The following LARP1B variants were observed in gnomAD, a reference collection of about 807,000 sequenced individuals.
The protein encoded by LARP1B is la-related protein 1B.
LARP1B carries 76 observed loss-of-function variants against 114.2 expected under a neutral mutation model. The observed-to-expected ratio is 0.67, with a 90% CI of 0.55 to 0.81. LARP1B has a LOEUF of 0.81. LARP1B is among the 30% of genes least tolerant of loss of function. The pLI is 0.00. For missense variants in LARP1B, 1,014 were observed against 1,075.8 expected (o/e 0.94, Z 0.80); for synonymous variants, 345 against 348.0 (o/e 0.99, Z 0.10).
At chr4:128,078,274 A>G (rs1215904873) in intron 4 of LARP1B, among the ~76,000 whole-genome samples, 1 of 152,074 alleles carries the variant, frequency 6.6e-6, no homozygotes, top group Non-Finnish European at 1.5e-5. Context: ...ACTGCTCCCT[A>G]TATTTAGGGA....
intron 12 of LARP1B, among the ~76,000 whole-genome samples, chr4:128,163,923 T>A (rs1301307151): frequency 6.6e-6 from 1 of 152,150 alleles, no homozygotes; most frequent in Non-Finnish European, 1.5e-5. Context: ...AAGGTTGAGC[T>A]TTGTCAGTAC....
intron 11 of LARP1B, among the ~76,000 whole-genome samples, chr4:128,129,912 TAGA>T (rs1288511479): frequency 1.3e-5 from 2 of 152,218 alleles, no homozygotes; most frequent in Non-Finnish European, 2.9e-5. Flanking sequence ...ATAAACGTCC[TAGA>T]AGATGATCTA....
chr4:128,061,722 C>T, intron 1 of LARP1B: 1 of 984,980 alleles, frequency 1.0e-6, no homozygotes, highest in Non-Finnish European at 1.2e-6. Context: ...ATGCCCGCCG[C>T]CCATTCTCGG....
chr4:128,208,406 A>T (rs1265299259), intron 19 of LARP1B, among the ~76,000 whole-genome samples: 2 of 152,104 alleles, frequency 1.3e-5, no homozygotes, highest in East Asian at 3.8e-4. Flanking sequence ...TAGGTTCATC[A>T]TCTCTGCTTT....
intron 11 of LARP1B, among the ~76,000 whole-genome samples, chr4:128,136,333 AAAAC>A (rs984843805): frequency 2.1e-4 from 32 of 151,058 alleles, no homozygotes; most frequent in Non-Finnish European, 4.0e-4. Context: ...AAAAAACAAA[AAAAC>A]AAAACAAAAA....
At chr4:128,098,671 T>C (rs1174809630) in intron 8 of LARP1B, among the ~76,000 whole-genome samples, 1 of 142,158 alleles carries the variant, frequency 7.0e-6, no homozygotes, top group East Asian at 2.1e-4. Flanking sequence ...ACCTGGGTGA[T>C]AGAGTACAAC....
intron 1 of LARP1B, among the ~76,000 whole-genome samples, chr4:128,067,115 A>C (rs1198432576): frequency 6.6e-6 from 1 of 151,906 alleles, no homozygotes; most frequent in East Asian, 1.9e-4. Flanking sequence ...ACCTCAGGCT[A>C]TTTTCTTAAG....
At chr4:128,208,442 G>A (rs1436333758) in intron 19 of LARP1B, among the ~76,000 whole-genome samples, 1 of 152,110 alleles carries the variant, frequency 6.6e-6, no homozygotes, top group Non-Finnish European at 1.5e-5. Context: ...TTGCAGTTTT[G>A]TGTAAATGGA....
chr4:128,117,036 C>T (rs566698609), intron 10 of LARP1B, among the ~76,000 whole-genome samples: 14 of 151,406 alleles, frequency 9.2e-5, no homozygotes, highest in African/African-American at 2.7e-4. Flanking sequence ...CTCAGCCTAC[C>T]GAGCAGCTGG....
intron 7 of LARP1B, among the ~76,000 whole-genome samples, chr4:128,096,025 G>T (rs955945390): frequency 7.8e-6 from 1 of 128,436 alleles, no homozygotes; most frequent in Non-Finnish European, 1.6e-5. Flanking sequence ...ACGGAGTCTC[G>T]CTCTGTTGCC....
At chr4:128,082,419 C>A in intron 5 of LARP1B, 114 bp downstream of exon 5, 1 of 850,028 alleles carries the variant, frequency 1.2e-6, no homozygotes, top group Non-Finnish European at 1.9e-6. Flanking sequence ...CATCATGTCC[C>A]TTTAACCCCA....
intron 11 of LARP1B, among the ~76,000 whole-genome samples, chr4:128,137,711 G>A (rs893489339): frequency 1.3e-5 from 2 of 150,682 alleles, no homozygotes; most frequent in African/African-American, 4.9e-5. Flanking sequence ...CTTTGTATTT[G>A]AATGGGGAAT....
chr4:128,219,909 G>T (rs1312379525), intron 6 of LARP1B, among the ~76,000 whole-genome samples: 1 of 152,090 alleles, frequency 6.6e-6, no homozygotes, highest in Non-Finnish European at 1.5e-5. Flanking sequence ...TTTTGAGACA[G>T]AGTTTCGCTC....
At chr4:128,118,082 ATTTTTTTTT>A (rs34699544) in intron 10 of LARP1B, among the ~76,000 whole-genome samples, 4 of 76,736 alleles carry the variant, frequency 5.2e-5, no homozygotes, top group African/African-American at 1.7e-4. Context: ...GGCCCGGCTA[ATTTTTTTTT>A]TTTTTTTTTT....
chr4:128,114,131 A>T (rs1164547434), intron 9 of LARP1B, among the ~76,000 whole-genome samples: 3 of 152,228 alleles, frequency 2.0e-5, no homozygotes, highest in Non-Finnish European at 4.4e-5. Flanking sequence ...TGGCTTTAGT[A>T]TAGACCCTAG....
intron 11 of LARP1B, among the ~76,000 whole-genome samples, chr4:128,133,686 A>G (rs940012951): frequency 3.9e-5 from 6 of 152,138 alleles, no homozygotes; most frequent in Non-Finnish European, 5.9e-5. Context: ...CCTTAAGTAT[A>G]TGGTTAAATG....
chr4:128,189,363 G>A (rs186453810), intron 15 of LARP1B, among the ~76,000 whole-genome samples: 14 of 60,178 alleles, frequency 2.3e-4, no homozygotes, highest in African/African-American at 5.7e-4. Flanking sequence ...TTCCATTTGC[G>A]TGGAATGTCT....
intron 11 of LARP1B, chr4:128,122,622 C>T (rs1788388427): frequency 5.5e-6 from 8 of 1,462,432 alleles, no homozygotes; most frequent in Non-Finnish European, 7.2e-6. Flanking sequence ...ACTCTTCTTG[C>T]CTCTTTCTGT....
chr4:128,086,984 T>A (rs1454024449), intron 5 of LARP1B, among the ~76,000 whole-genome samples: 5 of 152,082 alleles, frequency 3.3e-5, no homozygotes, highest in African/African-American at 1.2e-4. Context: ...ATACTTTTTT[T>A]TTGTCTTGAG....
Sources: gnomAD v4.1 joint callset for allele counts (sites outside exome capture counted in the v4.1 genomes callset) on GRCh38, gnomAD v4.1.1 for gene constraint, MANE v1.5 for transcripts, NCBI Gene and HGNC (gene_info 2026-07-23, HGNC 2026-07-21) for gene names.